The following EXD3 variants were observed in gnomAD, a reference collection of about 807,000 sequenced individuals.
The protein encoded by EXD3 is exonuclease 3'-5' domain containing 3, also known as exonuclease mut-7 homolog.
A neutral mutation model predicts 98.0 loss-of-function variants in EXD3; 92 were observed. That is an observed-to-expected ratio of 0.94 (90% confidence interval 0.79 to 1.12). The LOEUF (loss-of-function observed/expected upper bound fraction) is 1.12. Ranked by LOEUF, EXD3 falls within the 50% of genes most tolerant of loss-of-function variation. The pLI is 0.00. For missense variants in EXD3, 1,222 were observed against 1,191.6 expected, an observed-to-expected ratio of 1.03 and a Z score of -0.38; for synonymous variants, 569 against 526.0, an observed-to-expected ratio of 1.08 and a Z score of -1.12.
chr9:137,395,285 C>T lies in EXD3; in HGVS notation c.55+18G>A. Reference sequence around the variant, plus strand: ...CCACAGCCCCAGGGAGACTCGGCACCATCAGGCTCAGACTCACCCATGCGG... The same window carrying T: ...CCACAGCCCCAGGGAGACTCGGCACTATCAGGCTCAGACTCACCCATGCGG... On this transcript the variant is annotated intron_variant, in intron 2 of 21. Coordinates refer to ENST00000340951, the MANE Select transcript of EXD3 (RefSeq NM_017820.5). This position sits in a 1 kb window ranked among gnomAD's most constrained non-coding sequence, Gnocchi z 6.5. The T allele has an allele frequency of 6.2e-7, 1 of 1,611,234 alleles. No individual in the cohort carries two copies. Among genetic ancestry groups the T allele is most frequent in the African/African-American group, 1.3e-5 (1 of 74,944 alleles).
At chr9:137,325,192 G>T (rs1377312838) in intron 17 of EXD3, among the ~76,000 whole-genome samples, 1 of 152,168 alleles carries the variant, frequency 6.6e-6, no homozygotes, top group Non-Finnish European at 1.5e-5. Context: ...TACACTAAAA[G>T]GAGCCCGAGC....
chr9:137,335,971 A>G (rs1191308663), intron 17 of EXD3, among the ~76,000 whole-genome samples: 1 of 152,188 alleles, frequency 6.6e-6, no homozygotes, highest in Non-Finnish European at 1.5e-5. Context: ...AAAAAGAACA[A>G]AATAATGTCT....
At chr9:137,353,451 T>C (rs1834421088) in intron 10 of EXD3, 1 of 985,218 alleles carries the variant, frequency 1.0e-6, no homozygotes, top group Non-Finnish European at 1.2e-6. Flanking sequence ...CTCCTCATTA[T>C]GTGGGGTTTG....
At chr9:137,358,251 C>T (rs966547109) in intron 7 of EXD3, among the ~76,000 whole-genome samples, 5 of 152,208 alleles carry the variant, frequency 3.3e-5, no homozygotes, top group African/African-American at 9.6e-5. Context: ...GTGTGCACGG[C>T]GTGGCCTGGT....
At position 137,348,207 on chromosome 9, in the gene EXD3, G is replaced by A. The variant is rs769266306; in HGVS notation, c.1862C>T (p.Ala621Val). The A allele has an allele frequency of 1.9e-6, 3 of 1,611,832 alleles. No individual in the cohort carries two copies. Among genetic ancestry groups the A allele is most frequent in the Non-Finnish European group, 2.5e-6 (3 of 1,179,626 alleles). The change falls in exon 17 of 22, where the codon GCT (alanine) becomes GTT (valine). Residue 621 changes from alanine (A) to valine (V), a missense_variant. By Grantham distance (64) the Ala-to-Val change is moderately conservative. Transcript: ENST00000340951. ...GGCCCTGGCCGGAATCTGAGGGGCAGCGCCCTCAGACACAGCCACAGCCAC... is the reference window on the plus strand; with the variant it reads ...GGCCCTGGCCGGAATCTGAGGGGCAACGCCCTCAGACACAGCCACAGCCAC... Reference protein sequence around the residue: ...VPVAVAVSEGAAPQIPARAFR... With the variant: ...VPVAVAVSEGVAPQIPARAFR...
chr9:137,348,563 T>G (rs1324034857), intron 16 of EXD3, among the ~76,000 whole-genome samples: 19 of 45,466 alleles, frequency 4.2e-4, no homozygotes, highest in Admixed American at 7.9e-4. Flanking sequence ...TAGAGAGGGG[T>G]GGGGATCACG....
At chr9:137,396,680 C>G (rs921481114) in intron 1 of EXD3, among the ~76,000 whole-genome samples, 1 of 152,216 alleles carries the variant, frequency 6.6e-6, no homozygotes, top group Non-Finnish European at 1.5e-5. Context: ...ACGTGGACAT[C>G]GTCTGTGGAC....
intron 7 of EXD3, among the ~76,000 whole-genome samples, chr9:137,358,072 C>T (rs552919880): frequency 2.0e-5 from 3 of 152,236 alleles, no homozygotes; most frequent in African/African-American, 7.2e-5. Context: ...TTGGCAACAC[C>T]CTCACAGACA....
chr9:137,325,729 G>A (rs1237433585), intron 17 of EXD3, among the ~76,000 whole-genome samples: 5 of 152,188 alleles, frequency 3.3e-5, no homozygotes, highest in East Asian at 3.9e-4. Context: ...CACCGCACCC[G>A]GCCAAATCGT....
chr9:137,323,605 GCTCTGCCGA>G, intron 19 of EXD3, 111 bp downstream of exon 19: 1 of 1,388,930 alleles, frequency 7.2e-7, no homozygotes, highest in Middle Eastern at 2.5e-4. Flanking sequence ...CACGAGGGAT[GCTCTGCCGA>G]CACCCCACCC....
chr9:137,366,065 G>T lies in EXD3; in HGVS notation c.656+428C>A, dbSNP rs998356965. On this transcript the variant is annotated intron_variant, in intron 7 of 21. Coordinates refer to ENST00000340951, the MANE Select transcript of EXD3 (RefSeq NM_017820.5). ...GCACACACATGCACATGGCTTCCCTGAATCCATACAGGCACCATATGGGCT... is the reference window on the plus strand; with the variant it reads ...GCACACACATGCACATGGCTTCCCTTAATCCATACAGGCACCATATGGGCT... The T allele has an allele frequency of 5.9e-6, 4 of 679,352 alleles. No homozygotes were observed. The African/African-American group carries it at 7.0e-5, about 12-fold the overall frequency. The allele number at this position is 679,352 out of a possible 1,614,324, so 42.1% of individuals were successfully genotyped here.
chr9:137,373,664 C>T lies in EXD3; in HGVS notation c.121-65G>A, dbSNP rs971256389. On this transcript the variant is annotated intron_variant, in intron 3 of 21. Transcript: ENST00000340951. ...CTCAAAGCCTCCTGGCAAGGCCTCC[C>T]CACCGCAGAGAGGTTTTTTAAAATT... The T allele has an allele frequency of 6.8e-6, 10 of 1,473,802 alleles. No homozygotes were observed. The African/African-American group carries it at 1.3e-4, about 19-fold the overall frequency. The allele number at this position is 1,473,802 out of a possible 1,614,324, so 91.3% of individuals were successfully genotyped here.
At chr9:137,401,783 T>C (rs1364916655) in intron 1 of EXD3, among the ~76,000 whole-genome samples, 1 of 152,032 alleles carries the variant, frequency 6.6e-6, no homozygotes, top group African/African-American at 2.4e-5. Flanking sequence ...ACAAAACCAC[T>C]TTTTCCTCCC....
At chr9:137,394,745 G>T (rs944964835) in intron 2 of EXD3, among the ~76,000 whole-genome samples, 1 of 152,186 alleles carries the variant, frequency 6.6e-6, no homozygotes, top group Non-Finnish European at 1.5e-5. Flanking sequence ...CACAGGGAAG[G>T]TGCCTCTCAT....
chr9:137,356,445 C>A, intron 7 of EXD3, 77 bp from the exon 8 acceptor site: 3 of 936,674 alleles, frequency 3.2e-6, no homozygotes, highest in South Asian at 2.9e-5. Flanking sequence ...TCATCATAGT[C>A]ATATGCATGC....
At chr9:137,406,242 A>G (rs1837706547) in intron 1 of EXD3, among the ~76,000 whole-genome samples, 1 of 151,768 alleles carries the variant, frequency 6.6e-6, no homozygotes, top group Non-Finnish European at 1.5e-5. Flanking sequence ...AAGAAAGAAA[A>G]GAAAAGAAAA....
In EXD3 at chr9:137,348,197, C is replaced by G. The variant is rs1205954761; in HGVS notation, c.1872G>C (p.Gln624His). The change falls in exon 17 of 22, where the codon CAG becomes CAC. Residue 624 changes from glutamine (Q) to histidine (H), a missense_variant. By Grantham distance (24) the Gln-to-His change is conservative (BLOSUM62 0). Transcript: ENST00000340951. Reference sequence around the variant, plus strand: ...CCACACGGAAGGCCCTGGCCGGAATCTGAGGGGCAGCGCCCTCAGACACAG... The same window carrying G: ...CCACACGGAAGGCCCTGGCCGGAATGTGAGGGGCAGCGCCCTCAGACACAG... ...AVAVSEGAAPQIPARAFRVVC... is the reference protein window; with the variant it reads ...AVAVSEGAAPHIPARAFRVVC... 1 of 1,612,096 alleles carries G rather than the reference C, an allele frequency of 6.2e-7. No individual in the cohort carries two copies. The highest frequency in any genetic ancestry group is 8.5e-7 in the Non-Finnish European group (1 of 1,179,670).
chr9:137,394,069 G>A (rs552151788), intron 2 of EXD3, among the ~76,000 whole-genome samples: 11 of 152,288 alleles, frequency 7.2e-5, no homozygotes, highest in Non-Finnish European at 1.2e-4. Context: ...GCTGAGGCTC[G>A]GGCTGACCCC....
Position 137,372,947 on chromosome 9 carries a change from C to T in EXD3, c.420G>A (p.Leu140=). ...QLQDADRSCL[L]AHVHRLHHEG... The stretch of plus-strand genomic sequence containing the variant: ...CGTGGTGGAGGCGGTGGACGTGTGC[C>T]AGCAGGCAGCTCCTGTCTGCATCCT... The change falls in exon 5 of 22, where the codon CTG becomes CTA. Residue 140 remains leucine, a synonymous_variant. Coordinates refer to ENST00000340951, the MANE Select transcript of EXD3 (RefSeq NM_017820.5). 2 of 1,601,908 alleles carry T rather than the reference C, an allele frequency of 1.2e-6. No individual in the cohort carries two copies. Among genetic ancestry groups the T allele is most frequent in the Admixed American group, 3.3e-5 (2 of 60,012 alleles).
Sources: gnomAD v4.1 joint callset for allele counts (sites outside exome capture counted in the v4.1 genomes callset) on GRCh38, gnomAD v4.1.1 for gene constraint, Gnocchi (gnomAD v3.1) non-coding constraint, MANE v1.5 for transcripts, NCBI Gene and HGNC (gene_info 2026-07-23, HGNC 2026-07-21) for gene names.